The following PES1 variants were observed in gnomAD, a reference collection of about 807,000 sequenced individuals.
The protein encoded by PES1 is pescadillo homolog.
PES1 carries 31 observed loss-of-function variants against 77.1 expected under a neutral mutation model. The ratio of observed to expected loss-of-function variants is 0.40; its 90% CI spans 0.30 to 0.54. The LOEUF is 0.54. Among genes scored for constraint, PES1 ranks in the 20% least tolerant of loss-of-function variants. The pLI is 0.45. For missense variants in PES1, 658 were observed against 771.7 expected, an observed-to-expected ratio of 0.85 and a Z score of 1.75; for synonymous variants, 282 against 303.0, an observed-to-expected ratio of 0.93 and a Z score of 0.72.
Position 30,584,419 on chromosome 22 carries a change from G to A in PES1, c.576C>T (p.Ala192=), listed in dbSNP as rs371996613. 8.9e-5 allele frequency: 144 copies of A among 1,612,374 alleles called. 2 individuals are homozygous for A. In the South Asian group the frequency reaches 1.4e-3, roughly 16 times the overall value. Residue 192 remains alanine, a synonymous_variant, in exon 6 of 15, where the codon GCC becomes GCT. Coordinates refer to ENST00000354694, the MANE Select transcript of PES1 (RefSeq NM_014303.4). The part of the protein sequence containing the change: ...FLSIKGIYYQ[A]EVLGQPIVWI... ...ACACGATGGGCTGCCCCAGTACCTC[G>A]GCCTGGTAGTAAATGCCTTTGATGG...
intron 2 of PES1, among the ~76,000 whole-genome samples, chr22:30,601,507 T>G (rs2087354169): frequency 6.9e-6 from 1 of 145,420 alleles, no homozygotes. Context: ...CAGACAGGGT[T>G]TCACTATGTT....
chr22:30,597,214 C>T (rs182762539), intron 2 of PES1, among the ~76,000 whole-genome samples: 3 of 152,068 alleles, frequency 2.0e-5, no homozygotes, highest in East Asian at 2.0e-4. Flanking sequence ...CCCCAGCGCC[C>T]GGTCACATCA....
At chr22:30,598,060 T>C in intron 2 of PES1, among the ~76,000 whole-genome samples, 1 of 152,030 alleles carries the variant, frequency 6.6e-6, no homozygotes, top group South Asian at 2.1e-4. Context: ...GTTTTTTGTA[T>C]TTTTAGTAGA....
At position 30,588,847 on chromosome 22, in the gene PES1, G is replaced by A. The variant is rs182983221; in HGVS notation, c.104+344C>T. Among the ~76,000 whole-genome samples the A allele has an allele frequency of 2.6e-3, 397 of 152,156 alleles. 1 individual carries two copies. The highest frequency in any genetic ancestry group is 9.0e-3 in the African/African-American group (373 of 41,542). ...AAGGCCAGGGACCGCCAGAGGGCAG[G>A]GCCCACAGGCCACAGTGAAGTCTTA... On this transcript the variant is annotated intron_variant, in intron 2 of 14. Transcript: ENST00000354694.
upstream of PES1, among the ~76,000 whole-genome samples, chr22:30,596,497 TAA>T (rs781592593): frequency 3.0e-5 from 4 of 132,034 alleles, no homozygotes; most frequent in African/African-American, 5.6e-5. Flanking sequence ...ATTTAAAACT[TAA>T]AAAAAAAAAA....
In PES1 at chr22:30,579,795, G is replaced by A. The variant is rs1457242507; in HGVS notation, c.1310C>T (p.Pro437Leu). 6.2e-7 allele frequency: 1 copy of A among 1,613,908 alleles called. No individual in the cohort carries two copies. Among genetic ancestry groups the A allele is most frequent in the African/African-American group, 1.3e-5 (1 of 74,934 alleles). ...CAGAGCCAGCAGCTTCAGCTTCTCAGGTGGAACGTAATCTCCTTCCTTCTC... is the reference window on the plus strand; with the variant it reads ...CAGAGCCAGCAGCTTCAGCTTCTCAAGTGGAACGTAATCTCCTTCCTTCTC... The part of the protein sequence containing the change: ...VTEKEGDYVP[P>L]EKLKLLALQR... The change falls in exon 12 of 15, where the codon CCT (proline) becomes CTT (leucine). Residue 437 changes from proline (P) to leucine (L), a missense_variant. By Grantham distance (98) the Pro-to-Leu change is moderately conservative. Transcript: ENST00000354694.
intron 2 of PES1, among the ~76,000 whole-genome samples, chr22:30,604,875 C>CA (rs999760516): frequency 2.0e-5 from 3 of 151,844 alleles, no homozygotes; most frequent in African/African-American, 7.3e-5. Context: ...CCCAGGAGTT[C>CA]AAAAATAAAA....
At position 30,580,161 on chromosome 22, in the gene PES1, A is replaced by G. The variant is rs1359443717; in HGVS notation, c.1061T>C (p.Val354Ala). The G allele has an allele frequency of 6.2e-7, 1 of 1,613,314 alleles. No homozygotes were observed. Among genetic ancestry groups the G allele is most frequent in the Admixed American group, 1.7e-5 (1 of 59,932 alleles). Residue 354 changes from valine to alanine, a missense_variant, in exon 11 of 15, where the codon GTG becomes GCG. By Grantham distance (64) the Val-to-Ala change is moderately conservative (BLOSUM62 0). Coordinates refer to ENST00000354694, the MANE Select transcript of PES1 (RefSeq NM_014303.4). The part of the protein sequence containing the change: ...AFIIRSFGGE[V>A]SWDKSLCIGA... Reference sequence around the variant, plus strand: ...AATGCACAAAGATTTGTCCCAGGACACTTCCCCACCAAAACTCCTACAGGG... The same window carrying G: ...AATGCACAAAGATTTGTCCCAGGACGCTTCCCCACCAAAACTCCTACAGGG...
chr22:30,581,767 TCTGCCCTTAAGGCG>T (rs746857589), intron 6 of PES1, 123 bp from the exon 7 acceptor site: 45 of 715,550 alleles, frequency 6.3e-5, no homozygotes, highest in Non-Finnish European at 8.6e-5. Context: ...TCAAGAAGGC[TCTGCCCTTAAGGCG>T]CTGCCCTAGG....
intron 2 of PES1, chr22:30,598,249 C>T (rs1227649568): frequency 6.6e-6 from 1 of 152,118 alleles, no homozygotes; most frequent in East Asian, 1.9e-4. Flanking sequence ...ACCACGAACC[C>T]ACCAAAAGGA....
chr22:30,585,401 G>A (rs1336840686), intron 4 of PES1: 2 of 465,352 alleles, frequency 4.3e-6, no homozygotes, highest in Admixed American at 2.4e-5. Flanking sequence ...GGGTCACAGA[G>A]AAGACACGGA....
chr22:30,592,205 G>C (rs777317022), upstream of PES1: 4 of 1,049,812 alleles, frequency 3.8e-6, no homozygotes, highest in Non-Finnish European at 4.6e-6. Context: ...TAGGGACAGC[G>C]CGGTGCCTTC....
upstream of PES1, among the ~76,000 whole-genome samples, chr22:30,592,914 C>T (rs1025760272): frequency 6.6e-5 from 10 of 152,050 alleles, no homozygotes; most frequent in Admixed American, 5.9e-4. Flanking sequence ...TACAAATAGT[C>T]ACATCACCTT....
intron 2 of PES1, among the ~76,000 whole-genome samples, chr22:30,602,812 G>A (rs1322749604): frequency 6.6e-6 from 1 of 152,126 alleles, no homozygotes; most frequent in African/African-American, 2.4e-5. Flanking sequence ...AGGTTGATTT[G>A]TTTTGCATAT....
In PES1 at chr22:30,597,876, A is replaced by ATTTTTTTTTTT. The variant is rs1210779167; in HGVS notation, c.-660-5479_-660-5478insAAAAAAAAAAA. Among the ~76,000 whole-genome samples, 36 of 125,150 alleles carry ATTTTTTTTTTT rather than the reference A, an allele frequency of 2.9e-4. 1 individual carries two copies. The highest frequency in any genetic ancestry group is 1.1e-3 in the African/African-American group (35 of 32,424). The allele number at this position is 125,150 out of a possible 152,430, so 82.1% of individuals were successfully genotyped here. ...CTCGGTTTTTTTTCCACGCAGTTGAAGTTTTGTTTTTTTTTTTTTTGTTTT... is the reference window on the plus strand; with the variant it reads ...CTCGGTTTTTTTTCCACGCAGTTGAATTTTTTTTTTTGTTTTGTTTTTTTTTTTTTTGTTTT... On this transcript the variant is annotated intron_variant, in intron 2 of 16. Coordinates refer to the PES1 transcript ENST00000402281.
intron 2 of PES1, among the ~76,000 whole-genome samples, chr22:30,598,131 A>T (rs552330599): frequency 6.6e-6 from 1 of 152,038 alleles, no homozygotes; most frequent in African/African-American, 2.4e-5. Flanking sequence ...TTATTCTTTC[A>T]CTGTTTGCAA....
intron 2 of PES1, among the ~76,000 whole-genome samples, chr22:30,600,338 G>A (rs192250392): frequency 1.3e-5 from 2 of 152,218 alleles, no homozygotes; most frequent in Admixed American, 1.3e-4. Flanking sequence ...GACTTCAGGG[G>A]GTAGGTTTGC....
chr22:30,600,550 C>T (rs949905512), intron 2 of PES1, among the ~76,000 whole-genome samples: 1 of 152,116 alleles, frequency 6.6e-6, no homozygotes, highest in African/African-American at 2.4e-5. Context: ...GGTGTGGTGG[C>T]TCATGCCTGT....
chr22:30,577,292 C>T (rs369269355), intron 14 of PES1, among the ~76,000 whole-genome samples, 163 bp from the exon 15 acceptor site: 35 of 152,308 alleles, frequency 2.3e-4, no homozygotes, highest in African/African-American at 7.9e-4. Context: ...AGAAAACATG[C>T]GCTAGCCCTG....
Sources: gnomAD v4.1 joint callset for allele counts (sites outside exome capture counted in the v4.1 genomes callset) on GRCh38, gnomAD v4.1.1 for gene constraint, MANE v1.5 for transcripts, NCBI Gene and HGNC (gene_info 2026-07-23, HGNC 2026-07-21) for gene names.